Variants in RB1CC1 observed in about 807,000 individuals in gnomAD.
RB1CC1 encodes RB1-inducible coiled-coil protein 1.
In RB1CC1, 46 loss-of-function variants were observed where a neutral mutation model predicts 177.5. The observed-to-expected ratio is 0.26, with a 90% confidence interval of 0.20 to 0.33. RB1CC1 has a LOEUF of 0.33. RB1CC1 is among the 10% of genes least tolerant of loss of function. RB1CC1 has a pLI of 1.00. For missense variants in RB1CC1, 1,703 were observed against 1,816.3 expected, an observed-to-expected ratio of 0.94 and a Z score of 1.13; for synonymous variants, 666 against 613.6, an observed-to-expected ratio of 1.09 and a Z score of -1.26.
chr8:52,702,583 G>C (rs1198788718), intron 1 of RB1CC1, among the ~76,000 whole-genome samples: 2 of 152,128 alleles, frequency 1.3e-5, no homozygotes, highest in African/African-American at 4.8e-5. Flanking sequence ...GGGCATGCTG[G>C]CTCTCGCCTG....
intron 18 of RB1CC1, among the ~76,000 whole-genome samples, chr8:52,641,048 G>C (rs1849527513): frequency 6.6e-6 from 1 of 152,032 alleles, no homozygotes; most frequent in East Asian, 1.9e-4. Flanking sequence ...TGCACTTACT[G>C]GTTTCTTACT....
chr8:52,640,446 T>C (rs1563360762), intron 18 of RB1CC1, among the ~76,000 whole-genome samples: 1 of 152,246 alleles, frequency 6.6e-6, no homozygotes, highest in Non-Finnish European at 1.5e-5. Context: ...TGTACACATG[T>C]AACTACATCA....
chr8:52,711,081 G>A (rs1003192354), intron 1 of RB1CC1, among the ~76,000 whole-genome samples: 1 of 151,874 alleles, frequency 6.6e-6, no homozygotes, highest in East Asian at 1.9e-4. Context: ...GTTCAAAAGA[G>A]CAAACTAACG....
Position 52,657,564 on chromosome 8 carries a change from T to C in RB1CC1, c.2265A>G (p.Gln755=), listed in dbSNP as rs1851188783. 5.0e-6 allele frequency: 8 copies of C among 1,614,086 alleles called. No homozygotes were observed. The highest frequency in any genetic ancestry group is 6.8e-6 in the Non-Finnish European group (8 of 1,180,002). ...LSSPNPISDP[Q]SPEMMVESLY... ...GTGATTCCACCATCATTTCTGGGCT[T>C]TGTGGATCACTTATAGGATTAGGAG... The change falls in exon 15 of 24, where the codon CAA becomes CAG. Residue 755 remains glutamine (Q), a synonymous_variant. Transcript: ENST00000025008.
In RB1CC1 at chr8:52,662,038, G is replaced by T. The variant is rs535847205; in HGVS notation, c.1174-319C>A. Among the ~76,000 whole-genome samples the T allele has an allele frequency of 2.0e-5, 3 of 151,958 alleles. No individual in the cohort carries two copies. In the East Asian group the frequency reaches 5.8e-4, roughly 29 times the overall value. The stretch of plus-strand genomic sequence containing the variant: ...GTGTCTAGAATCCTATAACACTATC[G>T]GTCAGTCACAGCACAAACAAAACAA... On this transcript the variant is annotated intron_variant, in intron 8 of 23. Transcript: ENST00000025008.
rs555384105 is a variant in RB1CC1 at position 52,629,465 on chromosome 8, C to G, written c.4499+1005G>C. On this transcript the variant is annotated intron_variant, in intron 21 of 23. Coordinates refer to ENST00000025008, the MANE Select transcript of RB1CC1 (RefSeq NM_014781.5). ...ACCAAAAATAAAATTTGAAGCCCCC[C>G]CAACCAACCATCTGAATGAACTTCC... 4.6e-5 allele frequency among the ~76,000 whole-genome samples: 7 copies of G among 152,130 alleles called. No homozygotes were observed. In the South Asian group the frequency reaches 1.5e-3, roughly 32 times the overall value.
At chr8:52,677,621 A>G (rs1412280247) in intron 5 of RB1CC1, among the ~76,000 whole-genome samples, 1 of 152,212 alleles carries the variant, frequency 6.6e-6, no homozygotes, top group Non-Finnish European at 1.5e-5. Context: ...TGGATGTAAA[A>G]TGATTATTTT....
At chr8:52,637,886 A>T (rs1590932359) in intron 18 of RB1CC1, among the ~76,000 whole-genome samples, 1 of 151,944 alleles carries the variant, frequency 6.6e-6, no homozygotes, top group Non-Finnish European at 1.5e-5. Flanking sequence ...GGCCAGGCTG[A>T]TCTTGAACTC....
chr8:52,626,987 C>G (rs1848442640), intron 22 of RB1CC1, among the ~76,000 whole-genome samples: 2 of 151,868 alleles, frequency 1.3e-5, no homozygotes, highest in African/African-American at 4.8e-5. Flanking sequence ...CCCAGGAGTT[C>G]AAGGCTACAG....
At chr8:52,653,162 T>C (rs934696130) in intron 15 of RB1CC1, among the ~76,000 whole-genome samples, 2 of 152,226 alleles carry the variant, frequency 1.3e-5, no homozygotes, top group Non-Finnish European at 2.9e-5. Context: ...TTATTACTTA[T>C]ACCCTCAGAG....
chr8:52,657,690 A>C lies in RB1CC1; in HGVS notation c.2139T>G (p.Thr713=). Residue 713 remains threonine, a synonymous_variant, in exon 15 of 24, where the codon ACT becomes ACG. Transcript: ENST00000025008. ...CCAAGTCTAAAGAAACTTGGTGAAT[A>C]GTCTGTTCTATGTTTGGATGGGGAA... is the stretch of plus-strand genomic sequence containing the variant. ...ETIPHPNIEQ[T]IHQVSLDLDS... The C allele has an allele frequency of 6.2e-7, 1 of 1,614,150 alleles. No homozygotes were observed. Among genetic ancestry groups the C allele is most frequent in the Non-Finnish European group, 8.5e-7 (1 of 1,179,998 alleles).
rs1274455956 is a variant in RB1CC1, at chr8:52,657,438, C to T, written c.2391G>A (p.Gln797=). 7 of 1,613,758 alleles carry T rather than the reference C, an allele frequency of 4.3e-6. No individual in the cohort carries two copies. In the East Asian group the frequency reaches 1.6e-4, roughly 36 times the overall value. The change falls in exon 15 of 24, where the codon CAG becomes CAA. Residue 797 remains glutamine, a synonymous_variant. Coordinates refer to ENST00000025008, the MANE Select transcript of RB1CC1 (RefSeq NM_014781.5). ...DFGDHTSLNV[Q]LERCRVVAQD... Reference sequence around the variant, plus strand: ...GGGCAACAACTCTACATCTTTCCAACTGGACATTCAGAGAAGTATGATCTC... The same window carrying T: ...GGGCAACAACTCTACATCTTTCCAATTGGACATTCAGAGAAGTATGATCTC...
At chr8:52,681,141 G>A (rs995605548) in intron 5 of RB1CC1, among the ~76,000 whole-genome samples, 3 of 151,806 alleles carry the variant, frequency 2.0e-5, no homozygotes, top group Admixed American at 6.6e-5. Flanking sequence ...ACAGGCACAT[G>A]CCAGCATGCC....
At chr8:52,632,812 C>T (rs1276254774) in intron 20 of RB1CC1, among the ~76,000 whole-genome samples, 2 of 152,112 alleles carry the variant, frequency 1.3e-5, no homozygotes, top group Non-Finnish European at 2.9e-5. Flanking sequence ...CACAATTTGC[C>T]CACAAGAAAA....
chr8:52,646,882 C>T (rs1205928660), intron 15 of RB1CC1, among the ~76,000 whole-genome samples: 1 of 152,094 alleles, frequency 6.6e-6, no homozygotes, highest in Admixed American at 6.6e-5. Flanking sequence ...CTCCAAGAAG[C>T]AGATGAAAAA....
At chr8:52,642,839 T>C (rs1207327110) in intron 16 of RB1CC1, 27 bp from the exon 17 acceptor site, 1 of 1,496,898 alleles carries the variant, frequency 6.7e-7, no homozygotes, top group Non-Finnish European at 8.8e-7. Flanking sequence ...ATTATTTAAA[T>C]TTATCTACAT....
At chr8:52,695,403 G>A (rs932510198) in intron 1 of RB1CC1, among the ~76,000 whole-genome samples, 2 of 152,220 alleles carry the variant, frequency 1.3e-5, no homozygotes, top group East Asian at 3.8e-4. Flanking sequence ...CTACTGGGAG[G>A]TGATCTCTAG....
intron 21 of RB1CC1, among the ~76,000 whole-genome samples, chr8:52,629,044 C>G (rs141304618): frequency 5.3e-5 from 8 of 152,272 alleles, no homozygotes; most frequent in African/African-American, 1.9e-4. Flanking sequence ...ATTTTTGGAG[C>G]TCCTCTCTCT....
At chr8:52,643,294 T>C (rs1450040533) in intron 16 of RB1CC1, 6 of 152,660 alleles carry the variant, frequency 3.9e-5, no homozygotes, top group Non-Finnish European at 7.3e-5. Context: ...TCCCCCACTT[T>C]TATAAACTCT....
Sources: allele counts gnomAD v4.1 joint callset (sites outside exome capture counted in the v4.1 genomes callset), GRCh38; gene constraint gnomAD v4.1.1; transcripts MANE v1.5; gene names NCBI Gene and HGNC (gene_info 2026-07-23, HGNC 2026-07-21).